Variants in LTBP1 observed in about 807,000 individuals in gnomAD.
The protein encoded by LTBP1 is latent transforming growth factor beta binding protein 1, also known as latent-transforming growth factor beta-binding protein 1.
LTBP1 carries 129 observed loss-of-function variants against 207.6 expected under a neutral mutation model. That is an observed-to-expected ratio of 0.62 (90% CI 0.54 to 0.72). LTBP1 has a LOEUF of 0.72. LTBP1 is among the 30% of genes least tolerant of loss of function. The probability of loss-of-function intolerance (pLI) is 0.00; values close to 1 mark genes in which losing one functional copy is unlikely to be tolerated. For synonymous variants in LTBP1, 963 were observed against 833.7 expected (o/e 1.16, Z -2.67); for missense variants, 2,281 against 2,217.2 (o/e 1.03, Z -0.58).
intron 24 of LTBP1, among the ~76,000 whole-genome samples, chr2:33,342,427 G>GT (rs1438631213): frequency 1.3e-5 from 2 of 152,190 alleles, no homozygotes; most frequent in African/African-American, 4.8e-5. Flanking sequence ...ATTTCCACCT[G>GT]TAACTATCAG....
intron 18 of LTBP1, among the ~76,000 whole-genome samples, chr2:33,277,446 G>A (rs994979229): frequency 1.3e-5 from 2 of 152,154 alleles, no homozygotes; most frequent in East Asian, 3.9e-4. Context: ...TGTAGCCACT[G>A]ACTTTGCCCC....
At chr2:33,244,273 G>T (rs1236353234) in intron 10 of LTBP1, among the ~76,000 whole-genome samples, 1 of 152,122 alleles carries the variant, frequency 6.6e-6, no homozygotes, top group Non-Finnish European at 1.5e-5. Flanking sequence ...CTGGAAAATA[G>T]TTACCAAGGC....
intron 31 of LTBP1, among the ~76,000 whole-genome samples, chr2:33,381,352 TAAAC>T (rs1293652942): frequency 6.6e-6 from 1 of 152,194 alleles, no homozygotes; most frequent in Non-Finnish European, 1.5e-5. Context: ...TCTTGCTAAA[TAAAC>T]AGCAGTCTGT....
At position 33,301,445 on chromosome 2, in the gene LTBP1, A is replaced by C. The variant is rs147957617; in HGVS notation, c.3359-77A>C. On this transcript the variant is annotated intron_variant, in intron 21 of 33. Transcript: ENST00000404816. Reference sequence around the variant, plus strand: ...TCAACATTGTCTTTCTAGAATTTACACTGATCCAATTGAGACTGATTGAAA... The same window carrying C: ...TCAACATTGTCTTTCTAGAATTTACCCTGATCCAATTGAGACTGATTGAAA... The C allele has an allele frequency of 2.6e-4, 377 of 1,427,446 alleles. 1 individual carries two copies. The African/African-American group carries it at 4.5e-3, about 17-fold the overall frequency. The allele number at this position is 1,427,446 out of a possible 1,614,324, so 88.4% of individuals were successfully genotyped here.
intron 19 of LTBP1, among the ~76,000 whole-genome samples, chr2:33,284,308 C>T (rs1439652642): frequency 2.0e-5 from 3 of 152,202 alleles, no homozygotes; most frequent in Non-Finnish European, 2.9e-5. Flanking sequence ...ATCCCTCATC[C>T]TCAATAGTTT....
intron 9 of LTBP1, among the ~76,000 whole-genome samples, chr2:33,238,205 C>G (rs1173747413): frequency 1.3e-5 from 2 of 152,220 alleles, no homozygotes; most frequent in African/African-American, 4.8e-5. Flanking sequence ...TGAACACACA[C>G]AGATGAATCT....
chr2:33,088,022 A>G (rs1385254305), intron 3 of LTBP1, among the ~76,000 whole-genome samples: 1 of 152,234 alleles, frequency 6.6e-6, no homozygotes, highest in East Asian at 1.9e-4. Flanking sequence ...AGTAAACTTC[A>G]GTCTTTAGGC....
At chr2:33,152,116 G>A (rs2083587219) in intron 5 of LTBP1, among the ~76,000 whole-genome samples, 2 of 152,066 alleles carry the variant, frequency 1.3e-5, no homozygotes, top group African/African-American at 4.8e-5. Flanking sequence ...GGAACAGTCA[G>A]CAGAGTAAAT....
intron 22 of LTBP1, among the ~76,000 whole-genome samples, chr2:33,307,599 G>A (rs1279914911): frequency 6.6e-6 from 1 of 152,170 alleles, no homozygotes; most frequent in Non-Finnish European, 1.5e-5. Context: ...TGGGATGGTG[G>A]TCACAAGGAT....
intron 7 of LTBP1, among the ~76,000 whole-genome samples, chr2:33,197,554 A>G (rs2088699940): frequency 6.6e-6 from 1 of 152,194 alleles, no homozygotes; most frequent in Non-Finnish European, 1.5e-5. Context: ...TCTTTTTTAC[A>G]TAAAAATCAA....
At chr2:33,311,679 G>T (rs2094190393) in intron 23 of LTBP1, among the ~76,000 whole-genome samples, 1 of 152,006 alleles carries the variant, frequency 6.6e-6, no homozygotes, top group Admixed American at 6.6e-5. Flanking sequence ...AATAAAAATG[G>T]ACCAAGATTT....
intron 5 of LTBP1, among the ~76,000 whole-genome samples, chr2:33,150,710 CTTTTTTTT>C (rs1176008947): frequency 3.0e-4 from 21 of 69,278 alleles, no homozygotes; most frequent in African/African-American, 1.2e-3. Context: ...TTTTCTTTTT[CTTTTTTTT>C]TTTTTTTTTT....
intron 5 of LTBP1, among the ~76,000 whole-genome samples, chr2:33,140,828 C>T (rs548863753): frequency 8.5e-5 from 13 of 152,130 alleles, no homozygotes; most frequent in Non-Finnish European, 1.2e-4. Context: ...CCACCATGCC[C>T]GGCTAATTTT....
At position 33,397,152 on chromosome 2, in the gene LTBP1, G is replaced by A; in HGVS notation, c.4854G>A (p.Glu1618=). ...TTCCAGGTTTTCTAAATAGCTTTGA[G>A]GAGTTACAGGCTGAGGAATGCGGCA... The part of the protein sequence containing the change: ...FIQDRFLNSF[E]ELQAEECGIL... Residue 1618 remains glutamate (E), a synonymous_variant, in exon 33 of 34, where the codon GAG becomes GAA. Transcript: ENST00000404816. 6.2e-7 allele frequency: 1 copy of A among 1,613,954 alleles called. No homozygotes were observed. The highest frequency in any genetic ancestry group is 8.5e-7 in the Non-Finnish European group (1 of 1,179,930).
intron 7 of LTBP1, among the ~76,000 whole-genome samples, chr2:33,192,594 A>G (rs184545887): frequency 3.2e-4 from 48 of 152,322 alleles, no homozygotes; most frequent in Non-Finnish European, 3.8e-4. Context: ...AATAAGTGTA[A>G]TATATTCACC....
intron 31 of LTBP1, among the ~76,000 whole-genome samples, chr2:33,388,938 T>G (rs911544544): frequency 4.6e-5 from 7 of 152,246 alleles, no homozygotes; most frequent in Non-Finnish European, 8.8e-5. Context: ...GTCTACCCAC[T>G]GTTAAGCTAA....
In LTBP1 at chr2:33,397,165, G is replaced by A. The variant is rs559644778; in HGVS notation, c.4867G>A (p.Glu1623Lys). 7 of 1,614,152 alleles carry A rather than the reference G, an allele frequency of 4.3e-6. No individual in the cohort carries two copies. In the East Asian group the frequency reaches 1.3e-4, roughly 31 times the overall value. Reference protein sequence around the residue: ...FLNSFEELQAEECGILNGCEN... With the variant: ...FLNSFEELQAKECGILNGCEN... Reference sequence around the variant, plus strand: ...AAATAGCTTTGAGGAGTTACAGGCTGAGGAATGCGGCATCCTCAATGGATG... The same window carrying A: ...AAATAGCTTTGAGGAGTTACAGGCTAAGGAATGCGGCATCCTCAATGGATG... The change falls in exon 33 of 34, where the codon GAG becomes AAG. Residue 1623 changes from glutamate to lysine, a missense_variant. Glu to Lys is a moderately conservative substitution (Grantham distance 56). This residue lies in a region of LTBP1 where 1,671 missense variants were observed against 1,634.8 expected (regional missense o/e 1.02). Transcript: ENST00000404816.
chr2:33,176,610 A>G (rs72855723), intron 5 of LTBP1, among the ~76,000 whole-genome samples: 11,964 of 152,140 alleles, frequency 0.079, 1,003 homozygotes, highest in African/African-American at 0.21. Flanking sequence ...CTGTTGATAT[A>G]CTCAGAAATT....
At chr2:33,392,567 C>T (rs1377887882) in intron 32 of LTBP1, among the ~76,000 whole-genome samples, 1 of 152,038 alleles carries the variant, frequency 6.6e-6, no homozygotes, top group Non-Finnish European at 1.5e-5. Flanking sequence ...ACAAAAGCAG[C>T]CCTAGATAGC....
Sources: allele counts gnomAD v4.1 joint callset (sites outside exome capture counted in the v4.1 genomes callset), GRCh38; gene constraint gnomAD v4.1.1; regional missense constraint gnomAD v4.1.1; transcripts MANE v1.5; gene names NCBI Gene and HGNC (gene_info 2026-07-23, HGNC 2026-07-21).